The following IRAK2 variants were observed in gnomAD, a reference collection of about 807,000 sequenced individuals.
IRAK2 encodes interleukin 1 receptor associated kinase 2.
IRAK2 carries 57 observed loss-of-function variants against 72.0 expected under a neutral mutation model. The ratio of observed to expected loss-of-function variants is 0.79; its 90% CI spans 0.64 to 0.99. The LOEUF (loss-of-function observed/expected upper bound fraction) is 0.99, where lower values mean the gene tolerates loss of function less well. IRAK2 is among the 50% of genes least tolerant of loss of function. The probability of loss-of-function intolerance (pLI) is 0.00; values close to 1 mark genes in which losing one functional copy is unlikely to be tolerated. For synonymous variants in IRAK2, 293 were observed against 312.7 expected (o/e 0.94, Z 0.67); for missense variants, 790 against 794.4 (o/e 0.99, Z 0.07).
rs1370733106 is a variant in IRAK2, at chr3:10,200,242, C to T, written c.278-127C>T. ...GCCAGAAAGGGAAAGACCCTCCCGC[C>T]CTGCAACACCATGCATTTGTGGCAG... On this transcript the variant is annotated intron_variant, in intron 2 of 12. Transcript: ENST00000256458. 1.5e-5 allele frequency: 12 copies of T among 794,634 alleles called. No individual in the cohort carries two copies. The South Asian group carries it at 2.1e-4, about 14-fold the overall frequency. The allele number at this position is 794,634 out of a possible 1,614,324, so 49.2% of individuals were successfully genotyped here.
At chr3:10,183,090 A>T (rs1249040946) in intron 2 of IRAK2, among the ~76,000 whole-genome samples, 1 of 152,176 alleles carries the variant, frequency 6.6e-6, no homozygotes, top group Non-Finnish European at 1.5e-5. Flanking sequence ...ACCACCTCTT[A>T]AAGGGTGTTA....
At chr3:10,177,805 G>C (rs1696899114) in intron 1 of IRAK2, 33 bp from the exon 2 acceptor site, 1 of 1,602,476 alleles carries the variant, frequency 6.2e-7, no homozygotes, top group Admixed American at 1.7e-5. Flanking sequence ...CTGCCTCTCT[G>C]ACTCTAAGCA....
intron 2 of IRAK2, among the ~76,000 whole-genome samples, chr3:10,186,967 CT>C (rs61587063): frequency 0.31 from 43,029 of 138,552 alleles, 7,287 homozygotes; most frequent in Non-Finnish European, 0.4. Context: ...GCCCAGCTAA[CT>C]TTTTTTTTTT....
chr3:10,185,027 G>A (rs754174030), intron 2 of IRAK2, among the ~76,000 whole-genome samples: 8 of 151,006 alleles, frequency 5.3e-5, no homozygotes, highest in Non-Finnish European at 1.2e-4. Context: ...CCCTGCGCCG[G>A]GCCAAAACTC....
At chr3:10,201,548 C>A (rs1203972397) in intron 3 of IRAK2, among the ~76,000 whole-genome samples, 1 of 152,264 alleles carries the variant, frequency 6.6e-6, no homozygotes, top group Admixed American at 6.5e-5. Context: ...GTGATTTGAA[C>A]ACTCACATCC....
chr3:10,237,282 G>A (rs1188353118), intron 11 of IRAK2, among the ~76,000 whole-genome samples: 2 of 152,154 alleles, frequency 1.3e-5, no homozygotes, highest in African/African-American at 2.4e-5. Context: ...AGGGGATAGG[G>A]CACTTTAGGT....
At chr3:10,187,608 G>T (rs1218472417) in intron 2 of IRAK2, among the ~76,000 whole-genome samples, 1 of 151,774 alleles carries the variant, frequency 6.6e-6, no homozygotes, top group African/African-American at 2.4e-5. Context: ...GGGAAACCCC[G>T]CATACTTTAT....
At chr3:10,233,910 G>C (rs549834437) in intron 10 of IRAK2, among the ~76,000 whole-genome samples, 2 of 152,006 alleles carry the variant, frequency 1.3e-5, no homozygotes, top group Non-Finnish European at 2.9e-5. Context: ...GTGCAGTGGC[G>C]TGATCTCAGC....
intron 4 of IRAK2, 134 bp downstream of exon 4, chr3:10,209,826 C>A: frequency 2.1e-6 from 1 of 480,486 alleles, no homozygotes; most frequent in African/African-American, 2.0e-5. Context: ...ATCAAATTAC[C>A]CCAAGCTTCT....
Position 10,238,797 on chromosome 3 carries a change from C to T in IRAK2, c.1523C>T (p.Thr508Met), listed in dbSNP as rs144752184. 5.4e-3 allele frequency: 8,683 copies of T among 1,613,934 alleles called. 31 individuals are homozygous for T. The highest frequency in any genetic ancestry group is 6.6e-3 in the Non-Finnish European group (7,794 of 1,179,926). The part of the protein sequence containing the change: ...AVEERLRGRE[T>M]LLPWSGLSEG... ...GAAGAGCGGCTCCGAGGTCGGGAGACGTTGCTCCCTTGGAGTGGGCTTTCT... is the reference window on the plus strand; with the variant it reads ...GAAGAGCGGCTCCGAGGTCGGGAGATGTTGCTCCCTTGGAGTGGGCTTTCT... Residue 508 changes from threonine to methionine, a missense_variant, in exon 12 of 13, where the codon ACG becomes ATG. Thr to Met is a moderately conservative substitution (Grantham distance 81). Coordinates refer to ENST00000256458, the MANE Select transcript of IRAK2 (RefSeq NM_001570.4).
rs1178369234 is a variant in IRAK2 at position 10,242,168 on chromosome 3, G to A, written c.1818G>A (p.Met606Ile). The A allele has an allele frequency of 1.2e-6, 2 of 1,613,578 alleles. No individual in the cohort carries two copies. Among genetic ancestry groups the A allele is most frequent in the Non-Finnish European group, 1.7e-6 (2 of 1,179,792 alleles). ...TCAATGAGGCCAAAAGGAAACTGAT[G>A]GAGAATATTCTGCTCTACAAAGAGG... is the stretch of plus-strand genomic sequence containing the variant. Reference protein sequence around the residue: ...IEINEAKRKLMENILLYKEEK... With the variant: ...IEINEAKRKLIENILLYKEEK... The change falls in exon 13 of 13, where the codon ATG becomes ATA. Residue 606 changes from methionine (M) to isoleucine (I), a missense_variant. Physicochemically the swap from Met to Ile is conservative, Grantham distance 10. Coordinates refer to ENST00000256458, the MANE Select transcript of IRAK2 (RefSeq NM_001570.4).
intron 2 of IRAK2, among the ~76,000 whole-genome samples, chr3:10,189,959 C>T (rs998294726): frequency 8.6e-5 from 13 of 151,876 alleles, no homozygotes; most frequent in Admixed American, 2.6e-4. Flanking sequence ...GGTCAGAGCA[C>T]CTGGGTTCTA....
intron 10 of IRAK2, among the ~76,000 whole-genome samples, chr3:10,228,461 C>T (rs1236702287): frequency 1.3e-5 from 2 of 152,094 alleles, no homozygotes; most frequent in East Asian, 3.9e-4. Context: ...TTCTCATCTC[C>T]TGACTATTTT....
chr3:10,207,916 T>C (rs930196647), intron 3 of IRAK2, among the ~76,000 whole-genome samples: 2 of 141,736 alleles, frequency 1.4e-5, no homozygotes, highest in Non-Finnish European at 3.0e-5. Flanking sequence ...CGCTTGAACC[T>C]GGGAGGGGGA....
chr3:10,234,781 A>T, intron 11 of IRAK2, 122 bp downstream of exon 11: 2 of 854,272 alleles, frequency 2.3e-6, no homozygotes, highest in Non-Finnish European at 3.6e-6. Context: ...AAGCCGCAGA[A>T]CCTCCTAGAG....
intron 6 of IRAK2, 65 bp from the exon 7 acceptor site, chr3:10,216,869 G>A (rs757972226): frequency 2.5e-6 from 3 of 1,211,472 alleles, no homozygotes; most frequent in South Asian, 1.2e-5. Context: ...AGAGGGGTGG[G>A]ACATGAGGAA....
At chr3:10,235,675 T>C (rs1056997381) in intron 11 of IRAK2, among the ~76,000 whole-genome samples, 7 of 152,098 alleles carry the variant, frequency 4.6e-5, no homozygotes, top group African/African-American at 1.7e-4. Context: ...AGTTACTGTA[T>C]TGGGTTCTCT....
At chr3:10,211,671 T>C (rs1197790331) in intron 4 of IRAK2, among the ~76,000 whole-genome samples, 1 of 152,020 alleles carries the variant, frequency 6.6e-6, no homozygotes, top group Admixed American at 6.6e-5. Context: ...GTTAAATAAA[T>C]CCTAGTATAT....
chr3:10,205,578 G>A (rs980642040), intron 3 of IRAK2, among the ~76,000 whole-genome samples: 6 of 152,232 alleles, frequency 3.9e-5, no homozygotes, highest in Non-Finnish European at 7.3e-5. Context: ...GACCCTGTGT[G>A]CAGAGACAGC....
Sources: gnomAD v4.1 joint callset for allele counts (sites outside exome capture counted in the v4.1 genomes callset) on GRCh38, gnomAD v4.1.1 for gene constraint, MANE v1.5 for transcripts, NCBI Gene and HGNC (gene_info 2026-07-23, HGNC 2026-07-21) for gene names.